PAQR5: variants seen among roughly 807,000 people sequenced by gnomAD.
PAQR5 encodes the protein progestin and adipoQ receptor family member 5.
Under a neutral mutation model 34.5 loss-of-function variants are expected in PAQR5, and 20 were observed. The ratio of observed to expected loss-of-function variants is 0.58; its 90% CI spans 0.41 to 0.84. The LOEUF (loss-of-function observed/expected upper bound fraction) is 0.84. Ranked by LOEUF, PAQR5 falls within the 40% of genes least tolerant of loss-of-function variation. The pLI, the probability that PAQR5 is intolerant of heterozygous loss-of-function variation, is 0.00. For synonymous variants in PAQR5, 131 were observed against 155.6 expected (o/e 0.84, Z 1.18); for missense variants, 378 against 412.7 (o/e 0.92, Z 0.73).
At chr15:69,311,927 G>GTT (rs2053842731) in intron 1 of PAQR5, among the ~76,000 whole-genome samples, 1 of 152,196 alleles carries the variant, frequency 6.6e-6, no homozygotes, top group Non-Finnish European at 1.5e-5. Flanking sequence ...GGAATAGAAT[G>GTT]TAAGGGTCAG....
At chr15:69,398,915 T>G (rs1185825451) in intron 7 of PAQR5, among the ~76,000 whole-genome samples, 1 of 152,212 alleles carries the variant, frequency 6.6e-6, no homozygotes, top group Non-Finnish European at 1.5e-5. Context: ...AGATCCTGAC[T>G]TCACTTCTCA....
intron 2 of PAQR5, among the ~76,000 whole-genome samples, chr15:69,359,130 G>A (rs554248106): frequency 7.9e-5 from 12 of 152,206 alleles, no homozygotes; most frequent in African/African-American, 1.7e-4. Flanking sequence ...TGGAAGGGGC[G>A]AACAAGCTCC....
At chr15:69,339,171 C>CA (rs924957899) in intron 2 of PAQR5, among the ~76,000 whole-genome samples, 35 of 144,978 alleles carry the variant, frequency 2.4e-4, no homozygotes, top group Admixed American at 9.6e-4. Flanking sequence ...ACTGGCTACA[C>CA]CCCCCACCCC....
At chr15:69,310,278 G>A (rs145165305) in intron 1 of PAQR5, among the ~76,000 whole-genome samples, 2,845 of 152,208 alleles carry the variant, frequency 0.019, 51 homozygotes, top group Middle Eastern at 0.027. Flanking sequence ...AGTGGAATTG[G>A]TGGTTCATGG....
intron 1 of PAQR5, among the ~76,000 whole-genome samples, chr15:69,320,952 T>G (rs2054081115): frequency 6.6e-6 from 1 of 152,260 alleles, no homozygotes. Context: ...TATCTTCGAA[T>G]ATTTTCCGCC....
intron 1 of PAQR5, among the ~76,000 whole-genome samples, chr15:69,327,314 C>T (rs1160622949): frequency 6.6e-6 from 1 of 152,154 alleles, no homozygotes; most frequent in Admixed American, 6.5e-5. Flanking sequence ...TTTGTAAACA[C>T]TTTAGGCATC....
chr15:69,305,294 A>G (rs2053689708), intron 1 of PAQR5, among the ~76,000 whole-genome samples: 1 of 152,148 alleles, frequency 6.6e-6, no homozygotes, highest in Non-Finnish European at 1.5e-5. Context: ...CCTGGGATCA[A>G]TGATCTATGA....
intron 2 of PAQR5, among the ~76,000 whole-genome samples, chr15:69,348,337 TG>T (rs1189063578): frequency 6.6e-6 from 1 of 152,278 alleles, no homozygotes; most frequent in East Asian, 1.9e-4. Flanking sequence ...ATTTTACAAA[TG>T]GGGAAACTGA....
At chr15:69,361,814 C>A (rs2055240998) in intron 3 of PAQR5, among the ~76,000 whole-genome samples, 1 of 152,044 alleles carries the variant, frequency 6.6e-6, no homozygotes, top group Non-Finnish European at 1.5e-5. Context: ...CAAATTATAT[C>A]AGGGAGGAAG....
At chr15:69,318,283 C>G (rs188513771) in intron 1 of PAQR5, among the ~76,000 whole-genome samples, 1 of 152,302 alleles carries the variant, frequency 6.6e-6, no homozygotes, top group East Asian at 1.9e-4. Flanking sequence ...AAATGCATCT[C>G]GAAGCAGAGG....
At chr15:69,302,263 G>A (rs1356018634) in intron 1 of PAQR5, among the ~76,000 whole-genome samples, 1 of 151,958 alleles carries the variant, frequency 6.6e-6, no homozygotes, top group African/African-American at 2.4e-5. Context: ...TGTAGAGGTG[G>A]GGTCTCACTA....
intron 1 of PAQR5, among the ~76,000 whole-genome samples, chr15:69,303,930 T>C (rs925197236): frequency 6.6e-6 from 1 of 152,146 alleles, no homozygotes; most frequent in Admixed American, 6.5e-5. Flanking sequence ...TCCATCGTCA[T>C]TGTGGTTTGC....
rs370160929 is a variant in PAQR5 at position 69,394,414 on chromosome 15, C to G, written c.513-3054C>G. ...TGCAGTTCTCCAAAATAAGACAACT[C>G]CTACACAATAAAACAACCATAACTA... On this transcript the variant is annotated intron_variant, in intron 6 of 8. Coordinates refer to ENST00000395407, the MANE Select transcript of PAQR5 (RefSeq NM_017705.4). 2.0e-5 allele frequency among the ~76,000 whole-genome samples: 3 copies of G among 152,166 alleles called. No homozygotes were observed. The East Asian group carries it at 5.8e-4, about 29-fold the overall frequency.
intron 2 of PAQR5, among the ~76,000 whole-genome samples, chr15:69,354,011 G>C (rs1469760872): frequency 1.3e-5 from 2 of 152,230 alleles, no homozygotes; most frequent in Non-Finnish European, 2.9e-5. Context: ...GAGTGAGGAA[G>C]AGTATGTCTG....
intron 3 of PAQR5, among the ~76,000 whole-genome samples, chr15:69,361,851 G>A (rs1457328499): frequency 3.9e-5 from 6 of 152,152 alleles, no homozygotes; most frequent in African/African-American, 1.4e-4. Flanking sequence ...CATGAAGGGG[G>A]TGATCTGAGG....
Position 69,364,824 on chromosome 15 carries a change from C to T in PAQR5, c.51+4693C>T, listed in dbSNP as rs143741210. Among the ~76,000 whole-genome samples the T allele has an allele frequency of 1.5e-3, 221 of 148,346 alleles. 2 individuals are homozygous for T. The highest frequency in any genetic ancestry group is 4.8e-3 in the African/African-American group (192 of 40,400). ...CAAGATCTCGGCTCACTGCAACCTCCGCCTCCCAGGTTCAAGCAATTCTCT... is the reference window on the plus strand; with the variant it reads ...CAAGATCTCGGCTCACTGCAACCTCTGCCTCCCAGGTTCAAGCAATTCTCT... On this transcript the variant is annotated intron_variant, in intron 3 of 8. Transcript: ENST00000395407.
intron 3 of PAQR5, among the ~76,000 whole-genome samples, chr15:69,375,967 T>C (rs1227633825): frequency 1.3e-5 from 2 of 152,334 alleles, no homozygotes; most frequent in East Asian, 3.9e-4. Flanking sequence ...CACGGTAGAA[T>C]TGTAGGCATT....
intron 1 of PAQR5, among the ~76,000 whole-genome samples, chr15:69,303,319 A>G (rs919248109): frequency 2.7e-4 from 37 of 134,632 alleles, no homozygotes; most frequent in African/African-American, 1.1e-3. Context: ...GCCCTTGGCA[A>G]GAACCTTCAG....
chr15:69,325,137 G>A (rs975555199), intron 1 of PAQR5, among the ~76,000 whole-genome samples: 4 of 152,156 alleles, frequency 2.6e-5, no homozygotes, highest in African/African-American at 7.2e-5. Context: ...GACCTCAGGT[G>A]ATCCACCCAG....
Sources: gnomAD v4.1 joint callset for allele counts (sites outside exome capture counted in the v4.1 genomes callset) on GRCh38, gnomAD v4.1.1 for gene constraint, MANE v1.5 for transcripts, NCBI Gene and HGNC (gene_info 2026-07-23, HGNC 2026-07-21) for gene names.